Variants in ATF1 observed in about 807,000 individuals in gnomAD.
The protein encoded by ATF1 is cyclic AMP-dependent transcription factor ATF-1.
ATF1 carries 16 observed loss-of-function variants against 34.7 expected under a neutral mutation model. The ratio of observed to expected loss-of-function variants is 0.46; its 90% CI spans 0.31 to 0.70. The LOEUF is 0.70. ATF1 is among the 30% of genes least tolerant of loss of function. The pLI is 0.05. For missense variants in ATF1, 255 were observed against 321.6 expected (o/e 0.79, Z 1.58); for synonymous variants, 105 against 113.1 (o/e 0.93, Z 0.46).
intron 1 of ATF1, among the ~76,000 whole-genome samples, chr12:50,773,889 C>T (rs149504158): frequency 6.6e-6 from 1 of 152,088 alleles, no homozygotes; most frequent in African/African-American, 2.4e-5. Flanking sequence ...CATGCCAGGC[C>T]GGTAATCGCC....
chr12:50,811,065 C>G (rs550665012), intron 4 of ATF1, among the ~76,000 whole-genome samples: 76 of 152,292 alleles, frequency 5.0e-4, no homozygotes, highest in African/African-American at 1.8e-3. Flanking sequence ...GACTTCCTTA[C>G]TGTACCTCAG....
At chr12:50,800,212 C>A (rs529173610) in intron 3 of ATF1, among the ~76,000 whole-genome samples, 23 of 152,188 alleles carry the variant, frequency 1.5e-4, no homozygotes, top group African/African-American at 5.1e-4. Flanking sequence ...TTTTAAAGTG[C>A]TAAAAGAAAA....
intron 4 of ATF1, among the ~76,000 whole-genome samples, chr12:50,811,551 A>G (rs573488897): frequency 1.6e-4 from 24 of 146,332 alleles, no homozygotes; most frequent in African/African-American, 5.8e-4. Flanking sequence ...TGAGAGGCTG[A>G]GGCTGGAGGA....
intron 1 of ATF1, among the ~76,000 whole-genome samples, chr12:50,774,868 C>T (rs1940874609): frequency 6.6e-6 from 1 of 151,438 alleles, no homozygotes; most frequent in African/African-American, 2.4e-5. Flanking sequence ...CCTCCTCAGC[C>T]TCCCGAGTAG....
intron 3 of ATF1, among the ~76,000 whole-genome samples, chr12:50,803,345 G>T (rs1311523465): frequency 6.6e-6 from 1 of 151,426 alleles, no homozygotes. Flanking sequence ...CCTATGAAAA[G>T]TTCAACATTT....
chr12:50,775,105 TG>T (rs899116557), intron 1 of ATF1, among the ~76,000 whole-genome samples: 5 of 151,752 alleles, frequency 3.3e-5, no homozygotes, highest in African/African-American at 4.8e-5. Flanking sequence ...TGTTATCTTT[TG>T]TTTTTTTTTT....
intron 1 of ATF1, among the ~76,000 whole-genome samples, chr12:50,774,223 C>T (rs1323354835): frequency 2.0e-5 from 3 of 151,384 alleles, no homozygotes; most frequent in South Asian, 2.1e-4. Context: ...TTAGTAGAGA[C>T]GGGGTTTCTC....
intron 2 of ATF1, among the ~76,000 whole-genome samples, chr12:50,788,529 A>T (rs1300972880): frequency 6.6e-6 from 1 of 151,696 alleles, no homozygotes; most frequent in Non-Finnish European, 1.5e-5. Context: ...CTGTTGCTTA[A>T]GCTGGAGTGC....
chr12:50,768,395 A>G (rs1940690894), intron 1 of ATF1, among the ~76,000 whole-genome samples: 1 of 152,240 alleles, frequency 6.6e-6, no homozygotes, highest in African/African-American at 2.4e-5. Flanking sequence ...TTTATTAAAG[A>G]GTGCTATGGT....
intron 2 of ATF1, among the ~76,000 whole-genome samples, chr12:50,791,552 C>CAAA (rs59699950): frequency 4.9e-5 from 6 of 121,310 alleles, no homozygotes; most frequent in African/African-American, 1.8e-4. Context: ...AACTCAGTCT[C>CAAA]AAAAAAAAAA....
At chr12:50,772,537 G>A (rs2139638603) in intron 1 of ATF1, among the ~76,000 whole-genome samples, 1 of 152,142 alleles carries the variant, frequency 6.6e-6, no homozygotes, top group Admixed American at 6.5e-5. Flanking sequence ...TGTTGGTCAG[G>A]TTGGTCTCGA....
chr12:50,815,341 A>T lies in ATF1; in HGVS notation c.671+902A>T, dbSNP rs921953544. Among the ~76,000 whole-genome samples the T allele has an allele frequency of 6.6e-5, 10 of 151,958 alleles. 1 individual carries two copies. The highest frequency in any genetic ancestry group is 1.3e-4 in the Non-Finnish European group (9 of 67,976). On this transcript the variant is annotated intron_variant, in intron 6 of 6. Transcript: ENST00000262053. ...GGCTAATGTTGGTGTTGGTGTCTTA[A>T]TTTTTAACAAAAAAGTTCAAAAAGT...
intron 4 of ATF1, among the ~76,000 whole-genome samples, chr12:50,811,632 A>AG (rs1190534420): frequency 6.8e-6 from 1 of 147,046 alleles, no homozygotes; most frequent in Non-Finnish European, 1.5e-5. Flanking sequence ...AAAATGAAGA[A>AG]AAAAAAAAAA....
chr12:50,763,502 C>G (rs1213539744), upstream of ATF1, among the ~76,000 whole-genome samples: 1 of 151,430 alleles, frequency 6.6e-6, no homozygotes, highest in South Asian at 2.1e-4. Flanking sequence ...GTGGTCCCAG[C>G]TGCCCCATAG....
chr12:50,803,223 G>A (rs947396649), intron 3 of ATF1, among the ~76,000 whole-genome samples: 22 of 150,690 alleles, frequency 1.5e-4, no homozygotes, highest in African/African-American at 5.1e-4. Context: ...AGCCGAGATC[G>A]CACCACTGTG....
intron 3 of ATF1, among the ~76,000 whole-genome samples, chr12:50,800,726 CT>C (rs1221876370): frequency 1.3e-5 from 2 of 152,208 alleles, no homozygotes; most frequent in African/African-American, 4.8e-5. Context: ...AAACCATCCC[CT>C]GACTTCCCTA....
Position 50,820,544 on chromosome 12 carries a change from G to T in ATF1, c.*765G>T, listed in dbSNP as rs829125. The T allele has an allele frequency of 0.91, 163,749 of 179,650 alleles. 75,384 individuals are homozygous for T. Among genetic ancestry groups the T allele is most frequent in the Non-Finnish European group, 0.98 (81,785 of 83,588 alleles). The allele number at this position is 179,650 out of a possible 1,614,324, so 11.1% of individuals were successfully genotyped here. On this transcript the variant is annotated 3_prime_UTR_variant, in exon 7 of 7. Transcript: ENST00000262053. Reference sequence around the variant, plus strand: ...AATACATAATAAATTGTTTTTTTGAGTCTATATTCTGTATGCAGTTGAATA... The same window carrying T: ...AATACATAATAAATTGTTTTTTTGATTCTATATTCTGTATGCAGTTGAATA...
At chr12:50,781,063 GA>G (rs1473287113) in intron 2 of ATF1, among the ~76,000 whole-genome samples, 6 of 152,198 alleles carry the variant, frequency 3.9e-5, no homozygotes, top group Admixed American at 3.9e-4. Context: ...ATCTTGTCAA[GA>G]TCATTTAGTT....
intron 1 of ATF1, among the ~76,000 whole-genome samples, chr12:50,772,837 G>C (rs1940810660): frequency 6.6e-6 from 1 of 152,044 alleles, no homozygotes; most frequent in African/African-American, 2.4e-5. Flanking sequence ...TGCCATGATG[G>C]TTTGCTGCAC....
Sources: allele counts gnomAD v4.1 joint callset (sites outside exome capture counted in the v4.1 genomes callset), GRCh38; gene constraint gnomAD v4.1.1; transcripts MANE v1.5; gene names NCBI Gene and HGNC (gene_info 2026-07-23, HGNC 2026-07-21).